RELCH: variants seen among roughly 807,000 people sequenced by gnomAD.
RELCH encodes the protein RAB11-binding protein RELCH.
In RELCH, 41 loss-of-function variants were observed where a neutral mutation model predicts 150.3. That is an observed-to-expected ratio of 0.27 (90% CI 0.21 to 0.35). The LOEUF (loss-of-function observed/expected upper bound fraction) is 0.35. Among genes scored for constraint, RELCH ranks in the 10% least tolerant of loss-of-function variants. The pLI, the probability that RELCH is intolerant of heterozygous loss-of-function variation, is 1.00. For synonymous variants in RELCH, 478 were observed against 531.8 expected (o/e 0.90, Z 1.39); for missense variants, 1,092 against 1,467.8 (o/e 0.74, Z 4.18).
intron 5 of RELCH, among the ~76,000 whole-genome samples, chr18:62,224,209 A>G (rs1003246054): frequency 3.9e-5 from 6 of 152,126 alleles, no homozygotes; most frequent in African/African-American, 1.4e-4. Flanking sequence ...GTGAATGAGA[A>G]CATGCAGTGC....
chr18:62,249,686 A>G (rs1175900961), intron 11 of RELCH, among the ~76,000 whole-genome samples: 4 of 151,994 alleles, frequency 2.6e-5, no homozygotes, highest in Non-Finnish European at 5.9e-5. Flanking sequence ...CTGGTGGCCA[A>G]AAGTACTTAC....
intron 1 of RELCH, among the ~76,000 whole-genome samples, chr18:62,203,330 G>A (rs11660811): frequency 0.1 from 15,558 of 151,888 alleles, 1,138 homozygotes; most frequent in East Asian, 0.28. Flanking sequence ...GGTGGCGGGC[G>A]CCTGTAGTCC....
intron 2 of RELCH, among the ~76,000 whole-genome samples, chr18:62,213,729 CAAAAAAAAAA>C: frequency 1.2e-5 from 1 of 80,462 alleles, no homozygotes; most frequent in East Asian, 3.5e-4. Context: ...GACTCAGTCT[CAAAAAAAAAA>C]AAAAAAAAAA....
intron 10 of RELCH, among the ~76,000 whole-genome samples, chr18:62,239,447 ACTAT>A (rs2042033598): frequency 6.6e-6 from 1 of 152,008 alleles, no homozygotes; most frequent in South Asian, 2.1e-4. Flanking sequence ...GAGGTTGTAC[ACTAT>A]CTACAGACCA....
chr18:62,256,186 C>A (rs2042983858), intron 13 of RELCH, among the ~76,000 whole-genome samples: 1 of 151,798 alleles, frequency 6.6e-6, no homozygotes. Context: ...AATGGGACAC[C>A]AATTTTACTT....
At chr18:62,222,685 G>T (rs2040954956) in intron 5 of RELCH, among the ~76,000 whole-genome samples, 1 of 151,868 alleles carries the variant, frequency 6.6e-6, no homozygotes. Context: ...AATCTTTTAG[G>T]ATATAGAAGG....
In RELCH at chr18:62,264,057, T is replaced by C. The variant is rs752320064; in HGVS notation, c.2419T>C (p.Leu807=). 6 of 1,607,824 alleles carry C rather than the reference T, an allele frequency of 3.7e-6. No homozygotes were observed. The East Asian group carries it at 9.0e-5, about 24-fold the overall frequency. Residue 807 remains leucine (L), a synonymous_variant, in exon 17 of 29, where the codon TTG becomes CTG. Coordinates refer to ENST00000644646, the MANE Select transcript of RELCH (RefSeq NM_001346231.2). ...VSTIIGSREQ[L]AVLLQLYDYQ... ...CACTATTATCGGAAGTCGTGAGCAA[T>C]TGGCAGTGCTGCTGCAACTTTATGA...
chr18:62,257,888 T>C (rs1568390414), intron 13 of RELCH, 60 bp from the exon 14 acceptor site: 11 of 1,299,654 alleles, frequency 8.5e-6, no homozygotes, highest in Non-Finnish European at 1.2e-5. Context: ...GTTTGTCATA[T>C]TATTTTCTAT....
intron 27 of RELCH, among the ~76,000 whole-genome samples, chr18:62,295,111 A>G (rs1375679707): frequency 6.6e-6 from 1 of 152,216 alleles, no homozygotes; most frequent in Non-Finnish European, 1.5e-5. Flanking sequence ...TACCTTCCTC[A>G]TATAAAGTTT....
intron 10 of RELCH, among the ~76,000 whole-genome samples, chr18:62,244,214 A>C (rs555883655): frequency 6.6e-6 from 1 of 152,172 alleles, no homozygotes; most frequent in Non-Finnish European, 1.5e-5. Flanking sequence ...TTTCAACATC[A>C]AATATTTCTA....
At chr18:62,195,251 A>C (rs542395234) in intron 1 of RELCH, among the ~76,000 whole-genome samples, 2 of 151,124 alleles carry the variant, frequency 1.3e-5, no homozygotes, top group South Asian at 4.2e-4. Flanking sequence ...TTTTATATGT[A>C]ATATTATTTG....
intron 5 of RELCH, 52 bp from the exon 6 acceptor site, chr18:62,227,237 T>C: frequency 8.1e-7 from 1 of 1,240,778 alleles, no homozygotes; most frequent in East Asian, 2.5e-5. Flanking sequence ...ATTTCAAAAA[T>C]GTAAGATAAA....
At chr18:62,227,033 A>AT (rs1555724527) in intron 5 of RELCH, among the ~76,000 whole-genome samples, 1 of 151,572 alleles carries the variant, frequency 6.6e-6, no homozygotes, top group African/African-American at 2.4e-5. Context: ...ACAAAAAAAA[A>AT]TTTTTTTTGA....
rs2045839309 is a variant in RELCH at position 62,305,270 on chromosome 18, CA to C, written c.3531-143del. On this transcript the variant is annotated intron_variant, in intron 28 of 28. Coordinates refer to ENST00000644646, the MANE Select transcript of RELCH (RefSeq NM_001346231.2). This position sits in a 1 kb window ranked among gnomAD's most constrained non-coding sequence, Gnocchi z 4.0. Reference sequence around the variant, plus strand: ...CATGAAAGCTCCTAACCTAGTATGGCATATACAAACTACCCTCCATAAATAT... The same window carrying C: ...CATGAAAGCTCCTAACCTAGTATGGCTATACAAACTACCCTCCATAAATAT... The C allele has an allele frequency of 1.7e-6, 1 of 604,272 alleles. No individual in the cohort carries two copies. Among genetic ancestry groups the C allele is most frequent in the Non-Finnish European group, 2.7e-6 (1 of 365,430 alleles). The allele number at this position is 604,272 out of a possible 1,614,324, so 37.4% of individuals were successfully genotyped here.
At chr18:62,263,238 TTC>T (rs747226044) in intron 16 of RELCH, among the ~76,000 whole-genome samples, 5 of 152,088 alleles carry the variant, frequency 3.3e-5, no homozygotes, top group Non-Finnish European at 7.4e-5. Context: ...CTTGTTATCA[TTC>T]TCTCATTTAT....
At chr18:62,225,575 C>A (rs1359300472) in intron 5 of RELCH, among the ~76,000 whole-genome samples, 1 of 151,980 alleles carries the variant, frequency 6.6e-6, no homozygotes, top group Middle Eastern at 3.4e-3. Context: ...AAAATAAGCA[C>A]GTGAAAAAGA....
intron 13 of RELCH, among the ~76,000 whole-genome samples, chr18:62,255,869 G>A (rs1039485791): frequency 2.0e-5 from 3 of 152,044 alleles, no homozygotes; most frequent in African/African-American, 4.8e-5. Context: ...CAAAAATGCT[G>A]CTGCATTAGC....
chr18:62,255,967 A>T (rs1337965075), intron 13 of RELCH, among the ~76,000 whole-genome samples: 2 of 152,084 alleles, frequency 1.3e-5, no homozygotes, highest in African/African-American at 4.8e-5. Context: ...AGCCAATTTC[A>T]CCTAAAAAGG....
chr18:62,239,620 C>T (rs1257505878), intron 10 of RELCH, among the ~76,000 whole-genome samples: 1 of 151,948 alleles, frequency 6.6e-6, no homozygotes, highest in African/African-American at 2.4e-5. Context: ...TCTAAGAGCA[C>T]TAGACTTACA....
Sources: gnomAD v4.1 joint callset for allele counts (sites outside exome capture counted in the v4.1 genomes callset) on GRCh38, gnomAD v4.1.1 for gene constraint, Gnocchi (gnomAD v3.1) non-coding constraint, MANE v1.5 for transcripts, NCBI Gene and HGNC (gene_info 2026-07-23, HGNC 2026-07-21) for gene names.